RIC1: variants seen among roughly 807,000 people sequenced by gnomAD.
RIC1 encodes the protein guanine nucleotide exchange factor subunit RIC1.
Under a neutral mutation model 169.0 loss-of-function variants are expected in RIC1, and 88 were observed. The ratio of observed to expected loss-of-function variants is 0.52; its 90% CI spans 0.44 to 0.62. The LOEUF is 0.62. Ranked by LOEUF, RIC1 falls within the 20% of genes least tolerant of loss-of-function variation. The probability of loss-of-function intolerance (pLI) is 0.00; values close to 1 mark genes in which losing one functional copy is unlikely to be tolerated. For missense variants in RIC1, 1,877 were observed against 1,725.5 expected (o/e 1.09, Z -1.56); for synonymous variants, 790 against 601.5 (o/e 1.31, Z -4.59).
At chr9:5,633,811 A>G (rs1056285047) in intron 1 of RIC1, among the ~76,000 whole-genome samples, 3 of 152,152 alleles carry the variant, frequency 2.0e-5, no homozygotes, top group East Asian at 1.9e-4. Flanking sequence ...GTCATTATTA[A>G]CGATAGTTAC....
chr9:5,725,504 A>C (rs1285974831), intron 6 of RIC1, among the ~76,000 whole-genome samples: 1 of 152,012 alleles, frequency 6.6e-6, no homozygotes, highest in Non-Finnish European at 1.5e-5. Flanking sequence ...TTTTCAAAAA[A>C]CCAGCTCCTG....
chr9:5,766,806 C>T (rs1301501626), intron 21 of RIC1, among the ~76,000 whole-genome samples: 1 of 152,178 alleles, frequency 6.6e-6, no homozygotes, highest in Non-Finnish European at 1.5e-5. Context: ...CTGCTATAAA[C>T]GTGTGTGCAA....
In RIC1 at chr9:5,774,198, G is replaced by C; in HGVS notation, c.4224G>C (p.Glu1408Asp). 2 of 1,613,794 alleles carry C rather than the reference G, an allele frequency of 1.2e-6. No individual in the cohort carries two copies. The highest frequency in any genetic ancestry group is 1.7e-6 in the Non-Finnish European group (2 of 1,179,870). The change falls in exon 26 of 26, where the codon GAG (glutamate) becomes GAC (aspartate). Residue 1408 changes from glutamate to aspartate, a missense_variant. Glu to Asp is a conservative substitution (Grantham distance 45). Transcript: ENST00000414202. ...AAGAGGAGGACACAGCCCAAGCAGA[G>C]GAGGAAGAACCTTTTCAGGATGGGA... ...SRKEEDTAQA[E>D]EEEPFQDGTY...
Position 5,720,731 on chromosome 9 carries a change from C to T in RIC1, c.701C>T (p.Ser234Leu), listed in dbSNP as rs1297806381. ...DGKVGFITPV[S>L]SRFTAEQLHG... ...AAAGTTGGATTTATTACACCAGTGT[C>T]AAGTAGATTTACTGCAGAGGTATGA... Residue 234 changes from serine to leucine, a missense_variant, in exon 6 of 26, where the codon TCA becomes TTA. Physicochemically the swap from Ser to Leu is moderately radical, Grantham distance 145 (BLOSUM62 -2). This residue lies in a region of RIC1 where 1,104 missense variants were observed against 992.0 expected (regional missense o/e 1.11). Coordinates refer to ENST00000414202, the MANE Select transcript of RIC1 (RefSeq NM_020829.4). 1.2e-6 allele frequency: 2 copies of T among 1,607,974 alleles called. No homozygotes were observed. The highest frequency in any genetic ancestry group is 1.3e-5 in the African/African-American group (1 of 74,552).
chr9:5,675,451 TA>T (rs1820384386), intron 2 of RIC1, among the ~76,000 whole-genome samples: 1 of 152,228 alleles, frequency 6.6e-6, no homozygotes. Context: ...ATCTAACAAC[TA>T]TAAGTAATAA....
At chr9:5,730,017 A>T (rs1360120542) in intron 6 of RIC1, among the ~76,000 whole-genome samples, 1 of 151,438 alleles carries the variant, frequency 6.6e-6, no homozygotes, top group Non-Finnish European at 1.5e-5. Flanking sequence ...TAATTAAATA[A>T]TTTTTTCTAA....
chr9:5,746,595 T>C (rs2130999367), intron 11 of RIC1, among the ~76,000 whole-genome samples: 1 of 152,276 alleles, frequency 6.6e-6, no homozygotes, highest in South Asian at 2.1e-4. Flanking sequence ...TATTTAACTG[T>C]GAATTTTTAA....
intron 19 of RIC1, 143 bp downstream of exon 19, chr9:5,764,011 A>C: frequency 1.1e-6 from 1 of 935,518 alleles, no homozygotes; most frequent in Non-Finnish European, 1.6e-6. Flanking sequence ...GGAAGAATTC[A>C]GACAGATTCC....
At chr9:5,638,110 GT>G (rs1015013267) in intron 1 of RIC1, among the ~76,000 whole-genome samples, 5 of 152,148 alleles carry the variant, frequency 3.3e-5, no homozygotes, top group African/African-American at 9.7e-5. Context: ...TGATCATATA[GT>G]TTTGGTCCTT....
intron 4 of RIC1, chr9:5,718,879 A>G (rs148318184): frequency 6.6e-6 from 1 of 152,308 alleles, no homozygotes; most frequent in African/African-American, 2.4e-5. Flanking sequence ...AAAAACAGCA[A>G]ATTCTACATT....
intron 2 of RIC1, among the ~76,000 whole-genome samples, chr9:5,674,186 A>G (rs747319666): frequency 4.6e-5 from 7 of 152,102 alleles, no homozygotes; most frequent in Non-Finnish European, 7.4e-5. Flanking sequence ...TGGTGAAACT[A>G]TTGGCAGTTT....
chr9:5,746,703 A>T (rs1025797197), intron 11 of RIC1, among the ~76,000 whole-genome samples: 1 of 151,798 alleles, frequency 6.6e-6, no homozygotes, highest in Non-Finnish European at 1.5e-5. Context: ...GTATACTAAT[A>T]TTATTATATA....
intron 2 of RIC1, among the ~76,000 whole-genome samples, chr9:5,664,871 T>C (rs987380891): frequency 2.6e-5 from 4 of 152,210 alleles, no homozygotes; most frequent in African/African-American, 9.6e-5. Context: ...CTTCAAGCTC[T>C]GAGATTCTTT....
chr9:5,680,441 G>T (rs969928877), intron 2 of RIC1, among the ~76,000 whole-genome samples: 3 of 152,096 alleles, frequency 2.0e-5, no homozygotes, highest in African/African-American at 7.2e-5. Flanking sequence ...TGTACCTCTG[G>T]TAGAATTCAG....
intron 19 of RIC1, among the ~76,000 whole-genome samples, chr9:5,764,496 T>C (rs1487349930): frequency 6.6e-6 from 1 of 152,254 alleles, no homozygotes; most frequent in East Asian, 1.9e-4. Flanking sequence ...AGTTGGTTAT[T>C]TGATAGGCTA....
chr9:5,657,636 C>T (rs543164127), intron 2 of RIC1, among the ~76,000 whole-genome samples: 17 of 152,138 alleles, frequency 1.1e-4, no homozygotes, highest in African/African-American at 2.9e-4. Flanking sequence ...TATCTCTTTG[C>T]GTTGGTCCCT....
intron 1 of RIC1, among the ~76,000 whole-genome samples, chr9:5,630,076 T>TTA (rs1427066729): frequency 6.6e-6 from 1 of 152,116 alleles, no homozygotes; most frequent in Non-Finnish European, 1.5e-5. Flanking sequence ...GAATAGGGGG[T>TTA]TAAAGGAGCG....
At chr9:5,661,609 G>A (rs1195796753) in intron 2 of RIC1, among the ~76,000 whole-genome samples, 1 of 152,122 alleles carries the variant, frequency 6.6e-6, no homozygotes, top group African/African-American at 2.4e-5. Flanking sequence ...GTGAATGGGA[G>A]TTCATTCATG....
At chr9:5,762,729 CAATTT>C in intron 18 of RIC1, 69 bp downstream of exon 18, 2 of 1,519,912 alleles carry the variant, frequency 1.3e-6, no homozygotes, top group Non-Finnish European at 1.8e-6. Context: ...AGGAATGAAA[CAATTT>C]AAGAGAAGAG....
Sources: gnomAD v4.1 joint callset for allele counts (sites outside exome capture counted in the v4.1 genomes callset) on GRCh38, gnomAD v4.1.1 for gene constraint, gnomAD v4.1.1 regional missense constraint, MANE v1.5 for transcripts, NCBI Gene and HGNC (gene_info 2026-07-23, HGNC 2026-07-21) for gene names.